The following S100PBP variants were observed in gnomAD, a reference collection of about 807,000 sequenced individuals.
S100PBP encodes S100P-binding protein.
Under a neutral mutation model 39.9 loss-of-function variants are expected in S100PBP, and 15 were observed. That is an observed-to-expected ratio of 0.38 (90% CI 0.25 to 0.58). The LOEUF is 0.58. S100PBP is among the 20% of genes least tolerant of loss of function. The pLI is 0.70. For missense variants in S100PBP, 504 were observed against 487.3 expected (o/e 1.03, Z -0.32); for synonymous variants, 178 against 180.3 (o/e 0.99, Z 0.10).
chr1:32,826,962 A>G, intron 3 of S100PBP, 32 bp downstream of exon 3: 1 of 1,424,434 alleles, frequency 7.0e-7, no homozygotes, highest in Non-Finnish European at 9.5e-7. Context: ...TGAAGAGAAA[A>G]ATGAAATTAT....
At chr1:32,835,857 A>G (rs868620675) in intron 5 of S100PBP, 5 of 151,918 alleles carry the variant, frequency 3.3e-5, no homozygotes, top group Middle Eastern at 3.2e-3. Context: ...TAATCCATTC[A>G]TCTGTCAGTA....
chr1:32,853,480 AAAG>A (rs1254800451), intron 6 of S100PBP, among the ~76,000 whole-genome samples: 2 of 61,274 alleles, frequency 3.3e-5, no homozygotes, highest in Non-Finnish European at 6.4e-5. Flanking sequence ...AAAAAAAAAA[AAAG>A]AAAAGGCGGT....
chr1:32,818,448 C>T (rs1638868552), intron 1 of S100PBP: 1 of 152,308 alleles, frequency 6.6e-6, no homozygotes, highest in Non-Finnish European at 1.5e-5. Flanking sequence ...TCAGTGGGCC[C>T]TGGAAAGGTC....
At chr1:32,827,660 T>C (rs1264066222) in intron 3 of S100PBP, among the ~76,000 whole-genome samples, 2 of 152,150 alleles carry the variant, frequency 1.3e-5, no homozygotes, top group Non-Finnish European at 1.5e-5. Flanking sequence ...TTTTGTATTT[T>C]AGTGGAGACG....
chr1:32,846,263 A>G (rs923048432), intron 5 of S100PBP, among the ~76,000 whole-genome samples: 4 of 152,018 alleles, frequency 2.6e-5, no homozygotes, highest in Admixed American at 6.5e-5. Flanking sequence ...TGCTGGGATT[A>G]CAGGCATGAG....
intron 5 of S100PBP, among the ~76,000 whole-genome samples, chr1:32,842,579 CTG>C (rs1371533376): frequency 8.6e-5 from 13 of 151,712 alleles, no homozygotes; most frequent in African/African-American, 2.9e-4. Flanking sequence ...ATAAATAAAA[CTG>C]AGAGAGAATT....
intron 5 of S100PBP, chr1:32,847,238 G>A (rs1297817864): frequency 6.6e-6 from 1 of 152,150 alleles, no homozygotes; most frequent in Non-Finnish European, 1.5e-5. Flanking sequence ...AACTTGTAAT[G>A]TTTGTTGTAG....
rs1350015530 is a variant in S100PBP at position 32,821,626 on chromosome 1, T to C, written c.-119-3687T>C. Among the ~76,000 whole-genome samples, 4 of 147,400 alleles carry C rather than the reference T, an allele frequency of 2.7e-5. No individual in the cohort carries two copies. In the East Asian group the frequency reaches 6.0e-4, roughly 22 times the overall value. Reference sequence around the variant, plus strand: ...TGAGCCACTGCGCCTGGCCTGTTTCTTTTTTCTTTCTTTCTTTTTTTTTTT... The same window carrying C: ...TGAGCCACTGCGCCTGGCCTGTTTCCTTTTTCTTTCTTTCTTTTTTTTTTT... On this transcript the variant is annotated intron_variant, in intron 1 of 6. Transcript: ENST00000373475.
At chr1:32,839,294 T>C (rs191231924) in intron 5 of S100PBP, among the ~76,000 whole-genome samples, 248 of 152,368 alleles carry the variant, frequency 1.6e-3, no homozygotes, top group Non-Finnish European at 3.0e-3. Context: ...GATTCATGTT[T>C]GTTGTTGCAT....
upstream of S100PBP, chr1:32,817,104 C>G: frequency 6.4e-7 from 1 of 1,564,920 alleles, no homozygotes; most frequent in Non-Finnish European, 8.8e-7. Context: ...GCCCCACATA[C>G]TTAGAACCCC....
intron 5 of S100PBP, among the ~76,000 whole-genome samples, chr1:32,850,035 G>A (rs1052479528): frequency 2.6e-5 from 4 of 152,114 alleles, no homozygotes; most frequent in Admixed American, 2.6e-4. Flanking sequence ...GCTGCTGCTG[G>A]ATTTGATTCC....
chr1:32,856,727 A>C lies in S100PBP; in HGVS notation c.*689A>C, dbSNP rs754559389. The C allele has an allele frequency of 2.0e-5, 3 of 152,496 alleles. No individual in the cohort carries two copies. Among genetic ancestry groups the C allele is most frequent in the Non-Finnish European group, 4.4e-5 (3 of 68,034 alleles). 9.4% of individuals were successfully genotyped at this position (152,496 alleles called of 1,614,324 possible). A position where few individuals can be genotyped will look rare whatever the true frequency, so the allele number is the denominator to read the frequency against. ...TTCCTTATTGAACTTATTTTGCACAATAGTGTTTACAAATCTTATACATCT... is the reference window on the plus strand; with the variant it reads ...TTCCTTATTGAACTTATTTTGCACACTAGTGTTTACAAATCTTATACATCT... On this transcript the variant is annotated 3_prime_UTR_variant, in exon 7 of 7. Coordinates refer to ENST00000373475, the MANE Select transcript of S100PBP (RefSeq NM_022753.4).
At position 32,826,153 on chromosome 1, in the gene S100PBP, TA is replaced by T. The variant is rs1557484308; in HGVS notation, c.57del (p.Asp20ThrfsTer32). ...EQSSGTSLLPKDGAPFSWDSL... is the reference protein window; with the variant it reads ...EQSSGTSLLPXDGAPFSWDSL... ...AGTCTTCTGGTACCTCTCTCTTGCC[TA>T]AAGACGGTGCCCCATTTTCTTGGGA... On this transcript the variant is annotated frameshift_variant, in exon 3 of 7. Coordinates refer to ENST00000373475, the MANE Select transcript of S100PBP (RefSeq NM_022753.4). LOFTEE classifies it high-confidence loss of function. 6.2e-7 allele frequency: 1 copy of T among 1,614,102 alleles called. No homozygotes were observed.
intron 5 of S100PBP, among the ~76,000 whole-genome samples, chr1:32,838,382 C>G (rs1282628047): frequency 6.6e-6 from 1 of 151,554 alleles, no homozygotes; most frequent in Non-Finnish European, 1.5e-5. Context: ...CAAACTGTTC[C>G]CAAGTAGTTG....
In S100PBP at chr1:32,831,569, C is replaced by T. The variant is rs150010260; in HGVS notation, c.1024+1502C>T. On this transcript the variant is annotated intron_variant, in intron 5 of 6. Coordinates refer to ENST00000373475, the MANE Select transcript of S100PBP (RefSeq NM_022753.4). Reference sequence around the variant, plus strand: ...CATCAGTCAGAAGAATTTTTTATCCCGTATCCTTTTATTTTTCACTGAATA... The same window carrying T: ...CATCAGTCAGAAGAATTTTTTATCCTGTATCCTTTTATTTTTCACTGAATA... 7.8e-4 allele frequency among the ~76,000 whole-genome samples: 119 copies of T among 151,794 alleles called. 1 individual carries two copies. Among genetic ancestry groups the T allele is most frequent in the African/African-American group, 2.7e-3 (112 of 41,382 alleles).
rs373625592 is a variant in S100PBP, at chr1:32,841,910, G to A, written c.1025-11169G>A. Among the ~76,000 whole-genome samples, 13 of 150,424 alleles carry A rather than the reference G, an allele frequency of 8.6e-5. No homozygotes were observed. In the East Asian group the frequency reaches 2.6e-3, roughly 30 times the overall value. Reference sequence around the variant, plus strand: ...AAAATTTATTCTGTATGTAGTGCAAGATATGGATTAAAGCCTGTAATCCCA... The same window carrying A: ...AAAATTTATTCTGTATGTAGTGCAAAATATGGATTAAAGCCTGTAATCCCA... On this transcript the variant is annotated intron_variant, in intron 5 of 6. Transcript: ENST00000373475.
At chr1:32,842,245 ACACACAC>A (rs1206798228) in intron 5 of S100PBP, among the ~76,000 whole-genome samples, 1 of 96,626 alleles carries the variant, frequency 1.0e-5, no homozygotes, top group African/African-American at 3.7e-5. Flanking sequence ...ATACACACAC[ACACACAC>A]ACACACACAC....
Position 32,833,251 on chromosome 1 carries a change from C to T in S100PBP, c.1024+3184C>T, listed in dbSNP as rs891843157. 4.6e-5 allele frequency among the ~76,000 whole-genome samples: 7 copies of T among 152,128 alleles called. No homozygotes were observed. In the South Asian group the frequency reaches 6.2e-4, roughly 13 times the overall value. On this transcript the variant is annotated intron_variant, in intron 5 of 6. Transcript: ENST00000373475. ...GCTTAGAAAATTTTAGTTGTTAGAA[C>T]GTTATTCCTTACGTTGAGTCAAACG...
At chr1:32,837,719 C>G (rs2148665037) in intron 5 of S100PBP, among the ~76,000 whole-genome samples, 1 of 151,962 alleles carries the variant, frequency 6.6e-6, no homozygotes, top group East Asian at 2.0e-4. Flanking sequence ...TTTGCATTTT[C>G]TAAAGTTTTA....
Sources: allele counts gnomAD v4.1 joint callset (sites outside exome capture counted in the v4.1 genomes callset), GRCh38; gene constraint gnomAD v4.1.1; transcripts MANE v1.5; gene names NCBI Gene and HGNC (gene_info 2026-07-23, HGNC 2026-07-21).